RABGAP1L: variants seen among roughly 807,000 people sequenced by gnomAD.
RABGAP1L encodes the protein rab GTPase-activating protein 1-like.
Under a neutral mutation model 137.7 loss-of-function variants are expected in RABGAP1L, and 63 were observed. The observed-to-expected ratio is 0.46, with a 90% CI of 0.37 to 0.56. The LOEUF (loss-of-function observed/expected upper bound fraction) is 0.56. RABGAP1L is among the 20% of genes least tolerant of loss of function. The pLI, the probability that RABGAP1L is intolerant of heterozygous loss-of-function variation, is 0.00. For missense variants in RABGAP1L, 1,095 were observed against 1,244.0 expected (o/e 0.88, Z 1.80); for synonymous variants, 431 against 433.7 (o/e 0.99, Z 0.08).
chr1:174,373,986 A>G (rs553011365), intron 12 of RABGAP1L, among the ~76,000 whole-genome samples: 7 of 152,282 alleles, frequency 4.6e-5, no homozygotes, highest in Admixed American at 2.0e-4. Flanking sequence ...CTGATACCCA[A>G]TGTTTTTAGA....
At chr1:174,584,506 T>C (rs1668970432) in intron 13 of RABGAP1L, among the ~76,000 whole-genome samples, 2 of 152,174 alleles carry the variant, frequency 1.3e-5, no homozygotes, top group Non-Finnish European at 2.9e-5. Context: ...GGCAGGAGGA[T>C]TGCTTGACTT....
chr1:174,928,254 A>G (rs1033061757), intron 19 of RABGAP1L, among the ~76,000 whole-genome samples: 1 of 152,060 alleles, frequency 6.6e-6, no homozygotes, highest in Non-Finnish European at 1.5e-5. Context: ...TCCATAATAT[A>G]TGTCCTAACT....
intron 19 of RABGAP1L, among the ~76,000 whole-genome samples, chr1:174,871,928 A>G (rs868595055): frequency 6.6e-6 from 1 of 152,310 alleles, no homozygotes; most frequent in African/African-American, 2.4e-5. Flanking sequence ...ACTTTTGGTT[A>G]GGTAAAATTT....
rs185140866 is a variant in RABGAP1L at position 174,533,000 on chromosome 1, C to T, written c.1711-104375C>T. On this transcript the variant is annotated intron_variant, in intron 13 of 25. Transcript: ENST00000681986. ...CTGTAATCCCAGCACTTTGGGAGGC[C>T]GAGGTGGGTGGGTCACGAGGTCGGG... is the stretch of plus-strand genomic sequence containing the variant. 9.3e-4 allele frequency among the ~76,000 whole-genome samples: 141 copies of T among 152,216 alleles called. 1 individual carries two copies. Among genetic ancestry groups the T allele is most frequent in the Middle Eastern group, 3.4e-3 (1 of 294 alleles).
chr1:174,224,989 C>G (rs895428129), intron 3 of RABGAP1L, among the ~76,000 whole-genome samples: 9 of 151,818 alleles, frequency 5.9e-5, no homozygotes, highest in South Asian at 2.1e-4. Context: ...ATATCTTTAA[C>G]CAAATTTGGG....
At chr1:174,331,223 A>G (rs1030446768) in intron 11 of RABGAP1L, among the ~76,000 whole-genome samples, 1 of 152,248 alleles carries the variant, frequency 6.6e-6, no homozygotes, top group Non-Finnish European at 1.5e-5. Flanking sequence ...ACTTGAAACT[A>G]TGAAATTGCT....
At chr1:174,298,988 G>A (rs1170942648) in intron 10 of RABGAP1L, among the ~76,000 whole-genome samples, 1 of 152,192 alleles carries the variant, frequency 6.6e-6, no homozygotes, top group East Asian at 1.9e-4. Context: ...CAACGAATCA[G>A]TTTAGAATTT....
chr1:174,675,122 G>A (rs1677512159), intron 14 of RABGAP1L, among the ~76,000 whole-genome samples: 1 of 152,132 alleles, frequency 6.6e-6, no homozygotes, highest in Admixed American at 6.5e-5. Flanking sequence ...TTTGGCTTTT[G>A]TTGCCATTGC....
chr1:174,897,092 T>C (rs1376102430), intron 19 of RABGAP1L: 2 of 152,254 alleles, frequency 1.3e-5, no homozygotes, highest in Non-Finnish European at 2.9e-5. Context: ...TTCTTCCATT[T>C]GTTTGTGTCC....
Position 174,973,972 on chromosome 1 carries a change from G to GT in RABGAP1L, c.2545-2100dup, listed in dbSNP as rs1558297301. ...GAACACTGAAATGAGCAGTACAATT[G>GT]TTTTTTGTTTTTTTTTTTTTTTTTT... On this transcript the variant is annotated intron_variant, in intron 21 of 25. Transcript: ENST00000681986. Among the ~76,000 whole-genome samples the GT allele has an allele frequency of 1.7e-3, 162 of 94,180 alleles. 5 individuals are homozygous for GT. Among genetic ancestry groups the GT allele is most frequent in the East Asian group, 5.5e-3 (18 of 3,258 alleles). The allele number at this position is 94,180 out of a possible 152,430, so 61.8% of individuals were successfully genotyped here.
intron 1 of RABGAP1L, among the ~76,000 whole-genome samples, chr1:174,192,551 A>G (rs965328146): frequency 1.3e-5 from 2 of 151,786 alleles, no homozygotes; most frequent in African/African-American, 2.4e-5. Flanking sequence ...CGAACTTCCA[A>G]CCTCAGGTGA....
At chr1:174,349,094 C>G (rs527295014) in intron 11 of RABGAP1L, among the ~76,000 whole-genome samples, 3 of 136,060 alleles carry the variant, frequency 2.2e-5, no homozygotes, top group Admixed American at 1.4e-4. Flanking sequence ...GGCGGCTGGC[C>G]GGGCGGGGGG....
rs556813268 is a variant in RABGAP1L at position 174,179,426 on chromosome 1, G to A, written c.-34+19769G>A. 5.9e-5 allele frequency among the ~76,000 whole-genome samples: 9 copies of A among 152,280 alleles called. No individual in the cohort carries two copies. The East Asian group carries it at 1.2e-3, about 20-fold the overall frequency. On this transcript the variant is annotated intron_variant, in intron 1 of 25. Transcript: ENST00000681986. ...TTCTTCTGAAAACTATTATACTTTG[G>A]TGTGCAGCAGAAATACTTTGTGTAT... is the stretch of plus-strand genomic sequence containing the variant.
chr1:174,978,346 C>T (rs527363652), intron 22 of RABGAP1L, among the ~76,000 whole-genome samples: 2 of 152,284 alleles, frequency 1.3e-5, no homozygotes, highest in East Asian at 1.9e-4. Context: ...CTCTAGTCCC[C>T]AAAGCCTCTT....
At chr1:174,615,337 C>G (rs938435725) in intron 13 of RABGAP1L, among the ~76,000 whole-genome samples, 2 of 152,184 alleles carry the variant, frequency 1.3e-5, no homozygotes, top group Non-Finnish European at 1.5e-5. Context: ...TGCTGGATGT[C>G]CACTCCAGAC....
intron 13 of RABGAP1L, among the ~76,000 whole-genome samples, chr1:174,396,047 C>G (rs148022372): frequency 6.6e-6 from 1 of 151,890 alleles, no homozygotes; most frequent in East Asian, 1.9e-4. Flanking sequence ...TTATAAACTG[C>G]TATAACAAAC....
chr1:174,657,931 T>A (rs1676086254), intron 14 of RABGAP1L, among the ~76,000 whole-genome samples: 1 of 152,202 alleles, frequency 6.6e-6, no homozygotes, highest in Non-Finnish European at 1.5e-5. Context: ...CTTTTCATAT[T>A]GGGTGAGTCT....
chr1:174,355,747 A>G (rs1683579352), intron 11 of RABGAP1L, among the ~76,000 whole-genome samples: 1 of 152,136 alleles, frequency 6.6e-6, no homozygotes, highest in African/African-American at 2.4e-5. Context: ...GTTTTTATTA[A>G]TCACTTATGC....
At chr1:174,898,323 C>T (rs1188960858) in intron 19 of RABGAP1L, among the ~76,000 whole-genome samples, 1 of 152,190 alleles carries the variant, frequency 6.6e-6, no homozygotes, top group African/African-American at 2.4e-5. Flanking sequence ...AGGATTTGAG[C>T]ACAGGCTTTC....
Sources: gnomAD v4.1 joint callset for allele counts (sites outside exome capture counted in the v4.1 genomes callset) on GRCh38, gnomAD v4.1.1 for gene constraint, MANE v1.5 for transcripts, NCBI Gene and HGNC (gene_info 2026-07-23, HGNC 2026-07-21) for gene names.